KIFC3: variants seen among roughly 807,000 people sequenced by gnomAD.
KIFC3 encodes the protein kinesin family member C3.
KIFC3 carries 60 observed loss-of-function variants against 101.8 expected under a neutral mutation model. The ratio of observed to expected loss-of-function variants is 0.59; its 90% CI spans 0.48 to 0.73. KIFC3 has a LOEUF of 0.73. Ranked by LOEUF, KIFC3 falls within the 30% of genes least tolerant of loss-of-function variation. The probability of loss-of-function intolerance (pLI) is 0.00; values close to 1 mark genes in which losing one functional copy is unlikely to be tolerated. For missense variants in KIFC3, 966 were observed against 1,137.1 expected (o/e 0.85, Z 2.16); for synonymous variants, 476 against 482.7 (o/e 0.99, Z 0.18).
At chr16:57,814,445 G>A (rs1400357778) in intron 1 of KIFC3, among the ~76,000 whole-genome samples, 1 of 152,108 alleles carries the variant, frequency 6.6e-6, no homozygotes, top group African/African-American at 2.4e-5. Flanking sequence ...CTGAGCCTCA[G>A]TTTCCTCATT....
chr16:57,816,139 C>G (rs2055217769), intron 1 of KIFC3: 1 of 1,185,478 alleles, frequency 8.4e-7, no homozygotes, highest in Non-Finnish European at 1.1e-6. Context: ...GACCTGCTAC[C>G]TGAGCTGCTG....
chr16:57,858,673 G>C (rs2056230412), intron 1 of KIFC3, among the ~76,000 whole-genome samples: 1 of 152,086 alleles, frequency 6.6e-6, no homozygotes, highest in African/African-American at 2.4e-5. Flanking sequence ...GAGGCCGGGT[G>C]CAGTGGCTCA....
At position 57,816,231 on chromosome 16, in the gene KIFC3, G is replaced by A. The variant is rs980098552; in HGVS notation, c.109-17949C>T. On this transcript the variant is annotated intron_variant, in intron 1 of 2. Transcript: ENST00000563028. ...ATCCCCATTCACAGGTGAGAAAACCGAGGCCCGGAAAGTGTCAACCCAAAT... is the reference window on the plus strand; with the variant it reads ...ATCCCCATTCACAGGTGAGAAAACCAAGGCCCGGAAAGTGTCAACCCAAAT... 28 of 1,288,156 alleles carry A rather than the reference G, an allele frequency of 2.2e-5. No individual in the cohort carries two copies. The African/African-American group carries it at 2.9e-4, about 13-fold the overall frequency. 79.8% of individuals were successfully genotyped at this position (1,288,156 alleles called of 1,614,324 possible). A position where few individuals can be genotyped will look rare whatever the true frequency, so the allele number is the denominator to read the frequency against.
intron 17 of KIFC3, 98 bp downstream of exon 17, chr16:57,760,183 CA>C: frequency 7.1e-7 from 1 of 1,402,190 alleles, no homozygotes. Context: ...TCCCTGCCCC[CA>C]CTGCTTCAGG....
At chr16:57,794,633 T>G (rs1183755280) in intron 3 of KIFC3, among the ~76,000 whole-genome samples, 1 of 152,208 alleles carries the variant, frequency 6.6e-6, no homozygotes, top group African/African-American at 2.4e-5. Context: ...CAAGGAAATA[T>G]TCCCAAGGAA....
chr16:57,761,158 C>G lies in KIFC3; in HGVS notation c.1886G>C (p.Gly629Ala). ...GAACTCGGTCGTGCGATTAGTGTGG[C>G]CAAACTCAAACACCTGGGGGATTGG... The part of the protein sequence containing the change: ...VDDINKVFEF[G>A]HTNRTTEFTN... Residue 629 changes from glycine to alanine, a missense_variant, in exon 15 of 20, where the codon GGC becomes GCC. This residue lies in a region of KIFC3 where 689 missense variants were observed against 884.6 expected (regional missense o/e 0.78). Coordinates refer to ENST00000445690, the MANE Select transcript of KIFC3 (RefSeq NM_001130100.2). The G allele has an allele frequency of 1.9e-6, 3 of 1,613,864 alleles. No individual in the cohort carries two copies. Among genetic ancestry groups the G allele is most frequent in the Non-Finnish European group, 1.7e-6 (2 of 1,179,932 alleles).
intron 1 of KIFC3, among the ~76,000 whole-genome samples, chr16:57,856,201 C>T (rs2056164214): frequency 1.3e-5 from 2 of 151,618 alleles, no homozygotes; most frequent in Admixed American, 1.3e-4. Flanking sequence ...AAAAAAAAGG[C>T]TGGGCACAGT....
intron 3 of KIFC3, among the ~76,000 whole-genome samples, chr16:57,773,554 G>T (rs782166467): frequency 6.6e-6 from 1 of 152,170 alleles, no homozygotes; most frequent in Non-Finnish European, 1.5e-5. Flanking sequence ...TAATCCGGGG[G>T]GTTAGGTGGG....
chr16:57,798,032 G>C, intron 2 of KIFC3, 40 bp downstream of exon 2: 1 of 1,562,270 alleles, frequency 6.4e-7, no homozygotes, highest in Non-Finnish European at 8.7e-7. Context: ...TCTGGAGGAA[G>C]GAAGGGAAAT....
At chr16:57,802,780 C>A (rs141714782), upstream of KIFC3, 10,979 of 740,906 alleles carry the variant, frequency 0.015, 126 homozygotes, top group Non-Finnish European at 0.019. The surrounding 1 kb of genome is among the most constrained non-coding windows in gnomAD (Gnocchi z 5.0). Flanking sequence ...GGCCTGCACA[C>A]GGGCTGGCAC....
At chr16:57,762,113 C>G (rs782467869) in intron 13 of KIFC3, 27 bp downstream of exon 13, 3 of 1,566,440 alleles carry the variant, frequency 1.9e-6, no homozygotes, top group Non-Finnish European at 2.6e-6. Context: ...CCCCTGAGGC[C>G]TGCTCCGCAC....
At chr16:57,810,695 TG>T in intron 1 of KIFC3, 2 of 985,454 alleles carry the variant, frequency 2.0e-6, no homozygotes, top group East Asian at 2.3e-4. Flanking sequence ...AGCAATGGGC[TG>T]AGGGACAGCT....
intron 1 of KIFC3, among the ~76,000 whole-genome samples, chr16:57,800,201 G>A (rs1463060444): frequency 6.6e-6 from 1 of 152,216 alleles, no homozygotes; most frequent in Non-Finnish European, 1.5e-5. Context: ...CCCAACCCTG[G>A]AAGAATGCCA....
intron 1 of KIFC3, among the ~76,000 whole-genome samples, chr16:57,800,297 G>T (rs893225007): frequency 3.9e-5 from 6 of 152,172 alleles, no homozygotes; most frequent in Non-Finnish European, 8.8e-5. Context: ...CTGGGAAGGG[G>T]ATGGGAATGT....
At chr16:57,799,366 T>C (rs1555624755) in intron 1 of KIFC3, among the ~76,000 whole-genome samples, 1 of 152,134 alleles carries the variant, frequency 6.6e-6, no homozygotes, top group Non-Finnish European at 1.5e-5. Flanking sequence ...ACTGAAGGAC[T>C]TCCTAGTGGA....
intron 3 of KIFC3, among the ~76,000 whole-genome samples, chr16:57,783,026 G>C (rs1555615668): frequency 6.6e-6 from 1 of 152,250 alleles, no homozygotes; most frequent in African/African-American, 2.4e-5. Context: ...TAAGTCACTT[G>C]TGGGAGTGGG....
At chr16:57,816,728 C>T (rs1372726867) in intron 1 of KIFC3, 5 of 456,550 alleles carry the variant, frequency 1.1e-5, no homozygotes, top group African/African-American at 1.0e-4. Context: ...ACTCTCCCCT[C>T]AGGGATCCGT....
chr16:57,859,977 G>A (rs1365307463), intron 1 of KIFC3, among the ~76,000 whole-genome samples: 1 of 146,330 alleles, frequency 6.8e-6, no homozygotes, highest in African/African-American at 2.5e-5. Flanking sequence ...AGTTGAGATC[G>A]TGCCACTGCA....
intron 1 of KIFC3, among the ~76,000 whole-genome samples, chr16:57,822,011 G>GGCTGCAGTGAGCTGTGATGGAGCC (rs1405194159): frequency 6.6e-6 from 1 of 152,208 alleles, no homozygotes; most frequent in Non-Finnish European, 1.5e-5. Context: ...GGGAGATCAA[G>GGCTGCAGTGAGCTGTGATGGAGCC]GCTGCAGTGA....
Sources: allele counts gnomAD v4.1 joint callset (sites outside exome capture counted in the v4.1 genomes callset), GRCh38; gene constraint gnomAD v4.1.1; regional missense constraint gnomAD v4.1.1; non-coding constraint Gnocchi (gnomAD v3.1); transcripts MANE v1.5; gene names NCBI Gene and HGNC (gene_info 2026-07-23, HGNC 2026-07-21).